Variants in SHPK observed in about 807,000 individuals in gnomAD.
SHPK encodes the protein carbohydrate kinase-like protein.
A neutral mutation model predicts 46.3 loss-of-function variants in SHPK; 51 were observed. The observed-to-expected ratio is 1.10, with a 90% confidence interval of 0.88 to 1.39. The LOEUF is 1.39. Among genes scored for constraint, SHPK ranks in the 40% most tolerant of loss-of-function variants. SHPK has a pLI of 0.00. For missense variants in SHPK, 668 were observed against 641.3 expected (o/e 1.04, Z -0.45); for synonymous variants, 290 against 273.9 (o/e 1.06, Z -0.58).
At chr17:3,622,706 C>CTT (rs10643273) in intron 4 of SHPK, 72,715 of 219,834 alleles carry the variant, frequency 0.33, 12,494 homozygotes, top group East Asian at 0.67. Context: ...GTTCTTTTTT[C>CTT]TTTTTTTTTT....
chr17:3,625,924 G>A (rs373148802), intron 2 of SHPK, among the ~76,000 whole-genome samples: 1 of 152,108 alleles, frequency 6.6e-6, no homozygotes, highest in South Asian at 2.1e-4. Context: ...GTGGTAGCGG[G>A]TGCCTGTAAT....
At chr17:3,627,407 T>C (rs577947660) in intron 2 of SHPK, among the ~76,000 whole-genome samples, 35 of 151,956 alleles carry the variant, frequency 2.3e-4, no homozygotes, top group Non-Finnish European at 4.4e-4. Context: ...AAGTTACTCC[T>C]GCCCATCTGT....
At chr17:3,614,555 T>A (rs1223132789) in intron 6 of SHPK, among the ~76,000 whole-genome samples, 1 of 131,146 alleles carries the variant, frequency 7.6e-6, no homozygotes, top group African/African-American at 3.8e-5. Context: ...AGAAAAGAAA[T>A]GCCTACATCA....
intron 1 of SHPK, among the ~76,000 whole-genome samples, chr17:3,634,877 A>C (rs906188166): frequency 6.6e-6 from 1 of 152,070 alleles, no homozygotes; most frequent in Non-Finnish European, 1.5e-5. Context: ...AGAGCTTGTG[A>C]AAAACAAAGC....
chr17:3,621,511 C>G lies in SHPK; in HGVS notation c.648-99G>C, dbSNP rs1026008722. On this transcript the variant is annotated intron_variant, in intron 4 of 6. Coordinates refer to ENST00000225519, the MANE Select transcript of SHPK (RefSeq NM_013276.4). ...CCTCCCTTCCTTCTCTCCATTCCTC[C>G]CTCCCTTCTTCCTTTCCTTTCCTCC... The G allele has an allele frequency of 3.5e-6, 4 of 1,134,470 alleles. No homozygotes were observed. The African/African-American group carries it at 4.7e-5, about 13-fold the overall frequency. 70.3% of individuals were successfully genotyped at this position (1,134,470 alleles called of 1,614,324 possible).
chr17:3,633,233 C>T (rs1017642413), intron 1 of SHPK, among the ~76,000 whole-genome samples: 8 of 151,648 alleles, frequency 5.3e-5, no homozygotes, highest in Admixed American at 4.0e-4. Context: ...CACCCACCTC[C>T]GCCTCCCAAA....
chr17:3,625,599 G>A (rs1368213332), intron 2 of SHPK, among the ~76,000 whole-genome samples: 1 of 152,104 alleles, frequency 6.6e-6, no homozygotes, highest in Non-Finnish European at 1.5e-5. Context: ...CTGTCCACCA[G>A]TTGAACACTA....
chr17:3,619,442 T>A (rs1008819340), intron 5 of SHPK: 6 of 1,466,530 alleles, frequency 4.1e-6, no homozygotes, highest in Non-Finnish European at 5.7e-6. Context: ...GATTAAAAAT[T>A]TGGACGGAGA....
chr17:3,632,495 G>A (rs2075478811), intron 1 of SHPK, among the ~76,000 whole-genome samples: 1 of 152,136 alleles, frequency 6.6e-6, no homozygotes. Flanking sequence ...GAGTGGGTGC[G>A]TGAGTTGTGT....
intron 2 of SHPK, 98 bp downstream of exon 2, chr17:3,630,107 C>T: frequency 6.8e-7 from 1 of 1,468,410 alleles, no homozygotes; most frequent in Non-Finnish European, 9.5e-7. Context: ...ATTCCCACTG[C>T]AGGATAACCC....
In SHPK at chr17:3,621,366, C is replaced by T. The variant is rs180851246; in HGVS notation, c.694G>A (p.Glu232Lys). The T allele has an allele frequency of 3.8e-4, 611 of 1,614,134 alleles. No homozygotes were observed. In the East Asian group the frequency reaches 0.012, roughly 31 times the overall value. ...GTTCTGCCCGCCACACTGCCAGGCT[C>T]GGCGATGTCTGGGAGCAGGTGGACA... Reference protein sequence around the residue: ...FPVHLLPDIAEPGSVAGRTSH... With the variant: ...FPVHLLPDIAKPGSVAGRTSH... The change falls in exon 5 of 7, where the codon GAG (glutamate) becomes AAG (lysine). Residue 232 changes from glutamate (E) to lysine (K), a missense_variant. Transcript: ENST00000225519.
chr17:3,629,597 A>G (rs1486778070), intron 2 of SHPK, among the ~76,000 whole-genome samples: 1 of 151,916 alleles, frequency 6.6e-6, no homozygotes, highest in Non-Finnish European at 1.5e-5. Flanking sequence ...GCGTGGTGGC[A>G]GGCACCTGTA....
At position 3,609,744 on chromosome 17, in the gene SHPK, T is replaced by C. The variant is rs1263017465; in HGVS notation, c.*816A>G. 6.6e-6 allele frequency: 1 copy of C among 152,352 alleles called. No homozygotes were observed. The highest frequency in any genetic ancestry group is 1.5e-5 in the Non-Finnish European group (1 of 68,096). 9.4% of individuals were successfully genotyped at this position (152,352 alleles called of 1,614,324 possible). On this transcript the variant is annotated 3_prime_UTR_variant, in exon 7 of 7. Transcript: ENST00000225519. ...CAAAAACACTGCTGCACAGACATGC[T>C]CCTGGCAAGGGGTCCTGCTGGTGCC...
intron 1 of SHPK, among the ~76,000 whole-genome samples, chr17:3,633,861 T>G (rs891756490): frequency 8.7e-4 from 132 of 151,918 alleles, no homozygotes; most frequent in African/African-American, 3.1e-3. Context: ...AGAAATCGGA[T>G]GGTTGCTGTG....
chr17:3,618,874 C>T (rs1351810450), intron 5 of SHPK, among the ~76,000 whole-genome samples: 1 of 152,042 alleles, frequency 6.6e-6, no homozygotes, highest in African/African-American at 2.4e-5. Flanking sequence ...CATCTGTGTA[C>T]AACTTTTTGT....
At chr17:3,621,111 G>T in intron 5 of SHPK, 126 bp downstream of exon 5, 3 of 816,410 alleles carry the variant, frequency 3.7e-6, no homozygotes, top group East Asian at 2.9e-5. Context: ...CATCTTTACA[G>T]AATAATGATC....
chr17:3,621,237 C>A lies in SHPK; in HGVS notation c.823G>T (p.Val275Phe). 1.2e-6 allele frequency: 2 copies of A among 1,605,972 alleles called. No homozygotes were observed. Among genetic ancestry groups the A allele is most frequent in the Non-Finnish European group, 1.7e-6 (2 of 1,176,464 alleles). ...AGGACAGAACAAAAGAAAAACTTACCTGCATCTGTCCTCTGGGCCATGCAG... is the reference window on the plus strand; with the variant it reads ...AGGACAGAACAAAAGAAAAACTTACATGCATCTGTCCTCTGGGCCATGCAG... ...YSCMAQRTDAVLNISTSVQLA... is the reference protein window; with the variant it reads ...YSCMAQRTDAFLNISTSVQLA... Residue 275 changes from valine (V) to phenylalanine (F), a missense_variant and splice_region_variant, in exon 5 of 7, where the codon GTT (valine) becomes TTT (phenylalanine). Physicochemically the swap from Val to Phe is conservative, Grantham distance 50. Transcript: ENST00000225519.
chr17:3,628,956 A>T (rs1238624622), intron 2 of SHPK, among the ~76,000 whole-genome samples: 1 of 152,176 alleles, frequency 6.6e-6, no homozygotes, highest in Non-Finnish European at 1.5e-5. Context: ...CCCGGCCTTA[A>T]AAAGTTTTTT....
chr17:3,628,886 C>T (rs888144011), intron 2 of SHPK, among the ~76,000 whole-genome samples: 1 of 152,050 alleles, frequency 6.6e-6, no homozygotes, highest in Non-Finnish European at 1.5e-5. Context: ...TGGCCTCAAG[C>T]AATACTCCTC....
Sources: gnomAD v4.1 joint callset for allele counts (sites outside exome capture counted in the v4.1 genomes callset) on GRCh38, gnomAD v4.1.1 for gene constraint, MANE v1.5 for transcripts, NCBI Gene and HGNC (gene_info 2026-07-23, HGNC 2026-07-21) for gene names.